Variants in CNTLN observed in about 807,000 individuals in gnomAD.
CNTLN encodes centlein.
Under a neutral mutation model 180.0 loss-of-function variants are expected in CNTLN, and 212 were observed. The ratio of observed to expected loss-of-function variants is 1.18; its 90% CI spans 1.05 to 1.32. CNTLN has a LOEUF of 1.32. Among genes scored for constraint, CNTLN ranks in the 40% most tolerant of loss-of-function variants. The pLI, the probability that CNTLN is intolerant of heterozygous loss-of-function variation, is 0.00. For synonymous variants in CNTLN, 722 were observed against 563.1 expected (o/e 1.28, Z -3.99); for missense variants, 2,095 against 1,610.9 (o/e 1.30, Z -5.14).
chr9:17,512,316 C>T, the CNTLN span, among the ~76,000 whole-genome samples: 2 of 152,170 alleles, frequency 1.3e-5, no homozygotes, highest in African/African-American at 4.8e-5. Context: ...TCAATTTAAA[C>T]TGAAGCTAAA....
At chr9:17,203,511 T>C (rs1822696192) in intron 2 of CNTLN, among the ~76,000 whole-genome samples, 1 of 152,178 alleles carries the variant, frequency 6.6e-6, no homozygotes, top group Non-Finnish European at 1.5e-5. Context: ...CCCTAATTCT[T>C]GGAGGCCTTG....
chr9:17,376,506 C>T (rs913780160), intron 13 of CNTLN, among the ~76,000 whole-genome samples: 1 of 150,022 alleles, frequency 6.7e-6, no homozygotes, highest in Non-Finnish European at 1.5e-5. Context: ...GGCTGGAGTG[C>T]AGTGGCGCCA....
At chr9:17,295,818 A>T (rs1183393710) in intron 6 of CNTLN, among the ~76,000 whole-genome samples, 1 of 152,078 alleles carries the variant, frequency 6.6e-6, no homozygotes, top group Non-Finnish European at 1.5e-5. Context: ...AAATAAACAT[A>T]TCTACATAGT....
the CNTLN span, among the ~76,000 whole-genome samples, chr9:17,511,648 T>TCACACACACA: frequency 7.6e-4 from 112 of 146,686 alleles, no homozygotes; most frequent in African/African-American, 1.6e-3. Context: ...TCTCTCTCTC[T>TCACACACACA]CACACACACA....
chr9:17,256,543 G>T (rs535329738), intron 5 of CNTLN, among the ~76,000 whole-genome samples: 6 of 150,672 alleles, frequency 4.0e-5, no homozygotes, highest in African/African-American at 1.5e-4. Context: ...ATGATTGTTG[G>T]CTGTTTGTAT....
rs184692644 is a variant in CNTLN at position 17,430,378 on chromosome 9, C to T, written c.3114+14189C>T. Among the ~76,000 whole-genome samples, 7 of 152,102 alleles carry T rather than the reference C, an allele frequency of 4.6e-5. No individual in the cohort carries two copies. In the East Asian group the frequency reaches 1.2e-3, roughly 25 times the overall value. ...TTAAATCATACTATTTGAAAACTCTCTAGTATTCTGTCACACCCCTTATTT... is the reference window on the plus strand; with the variant it reads ...TTAAATCATACTATTTGAAAACTCTTTAGTATTCTGTCACACCCCTTATTT... On this transcript the variant is annotated intron_variant, in intron 18 of 25. Transcript: ENST00000380647.
chr9:17,366,658 T>C lies in CNTLN; in HGVS notation c.1928T>C (p.Ile643Thr), dbSNP rs773585096. ...GAATTAGATGAACTTAAAGTACATA[T>C]ATCTATTGATAAGGCAGCAATACAA... ...EEELDELKVHISIDKAAIQEL... is the reference protein window; with the variant it reads ...EEELDELKVHTSIDKAAIQEL... The change falls in exon 13 of 26, where the codon ATA becomes ACA. Residue 643 changes from isoleucine to threonine, a missense_variant. Ile to Thr is a moderately conservative substitution (Grantham distance 89). Coordinates refer to ENST00000380647, the MANE Select transcript of CNTLN (RefSeq NM_017738.4). 1.3e-6 allele frequency: 2 copies of C among 1,585,720 alleles called. No homozygotes were observed. The highest frequency in any genetic ancestry group is 2.3e-5 in the South Asian group (2 of 87,870).
chr9:17,473,623 C>T (rs953616538), intron 23 of CNTLN, among the ~76,000 whole-genome samples: 3 of 151,664 alleles, frequency 2.0e-5, no homozygotes, highest in African/African-American at 7.3e-5. Context: ...AAAAAACAAC[C>T]CTTCATTTGA....
intron 8 of CNTLN, among the ~76,000 whole-genome samples, chr9:17,321,290 G>T (rs1158254676): frequency 6.6e-6 from 1 of 151,948 alleles, no homozygotes; most frequent in African/African-American, 2.4e-5. Context: ...TTTTTTTGAA[G>T]ACTTTTTCTT....
chr9:17,484,586 G>A (rs1832809040), intron 24 of CNTLN, 106 bp downstream of exon 24: 2 of 879,692 alleles, frequency 2.3e-6, no homozygotes, highest in Admixed American at 7.0e-5. Flanking sequence ...TTAAGAGAGT[G>A]TTAATGATGG....
At chr9:17,400,542 T>C (rs76809414) in intron 15 of CNTLN, among the ~76,000 whole-genome samples, 4,548 of 152,288 alleles carry the variant, frequency 0.03, 147 homozygotes, top group East Asian at 0.17. Flanking sequence ...TGTGTGACCA[T>C]AGGCATGCTA....
chr9:17,317,871 C>T (rs1819633524), intron 8 of CNTLN, among the ~76,000 whole-genome samples: 1 of 151,952 alleles, frequency 6.6e-6, no homozygotes, highest in Non-Finnish European at 1.5e-5. Context: ...TGGGACAGGT[C>T]TCCTTGGGCC....
At chr9:17,420,539 C>T (rs565973626) in intron 18 of CNTLN, among the ~76,000 whole-genome samples, 1 of 151,418 alleles carries the variant, frequency 6.6e-6, no homozygotes, top group African/African-American at 2.4e-5. Context: ...TTGTTTTGTT[C>T]GTTTTAATTT....
chr9:17,193,120 C>T (rs1035288862), intron 2 of CNTLN, among the ~76,000 whole-genome samples: 21 of 152,172 alleles, frequency 1.4e-4, no homozygotes, highest in African/African-American at 5.1e-4. Flanking sequence ...CCGGCTCCCT[C>T]CTACAACCTG....
At chr9:17,395,711 T>C (rs1304249424) in intron 15 of CNTLN, among the ~76,000 whole-genome samples, 3 of 152,204 alleles carry the variant, frequency 2.0e-5, no homozygotes, top group Non-Finnish European at 4.4e-5. Context: ...TATGTACCCC[T>C]AGTGAACAGC....
At chr9:17,252,161 A>T (rs1039962415) in intron 5 of CNTLN, among the ~76,000 whole-genome samples, 2 of 151,876 alleles carry the variant, frequency 1.3e-5, no homozygotes, top group Admixed American at 6.6e-5. Flanking sequence ...GGTTGATGCC[A>T]TATCTTTGCT....
Position 17,467,043 on chromosome 9 carries a change from C to T in CNTLN, c.3855+152C>T, listed in dbSNP as rs913384206. 8 of 469,794 alleles carry T rather than the reference C, an allele frequency of 1.7e-5. No individual in the cohort carries two copies. In the Admixed American group the frequency reaches 2.4e-4, roughly 14 times the overall value. 29.1% of individuals were successfully genotyped at this position (469,794 alleles called of 1,614,324 possible). A position where few individuals can be genotyped will look rare whatever the true frequency, so the allele number is the denominator to read the frequency against. ...CCTATTTATCACATTGCTAATAATT[C>T]CTCCATAAAGAATTTATTTTTATAG... On this transcript the variant is annotated intron_variant, in intron 23 of 25. Transcript: ENST00000380647.
intron 18 of CNTLN, among the ~76,000 whole-genome samples, chr9:17,445,908 T>G (rs939292584): frequency 6.6e-6 from 1 of 152,186 alleles, no homozygotes; most frequent in East Asian, 1.9e-4. Context: ...CCCGATTGTA[T>G]GCTCCATCTA....
rs542609543 is a variant in CNTLN, at chr9:17,405,672, A to G, written c.2616-3621A>G. On this transcript the variant is annotated intron_variant, in intron 15 of 25. Coordinates refer to ENST00000380647, the MANE Select transcript of CNTLN (RefSeq NM_017738.4). ...CTTTGGAGGACACATTAAAAGCTGC[A>G]CTCATTGTTTTGTGATCTCATAGTA... Among the ~76,000 whole-genome samples, 7 of 151,616 alleles carry G rather than the reference A, an allele frequency of 4.6e-5. 1 individual carries two copies. The highest frequency in any genetic ancestry group is 1.3e-4 in the Admixed American group (2 of 15,216).
Sources: gnomAD v4.1 joint callset for allele counts (sites outside exome capture counted in the v4.1 genomes callset) on GRCh38, gnomAD v4.1.1 for gene constraint, MANE v1.5 for transcripts, NCBI Gene and HGNC (gene_info 2026-07-23, HGNC 2026-07-21) for gene names.